CAMTA1: variants seen among roughly 807,000 people sequenced by gnomAD.
CAMTA1 encodes the protein calmodulin binding transcription activator 1, also known as calmodulin-binding transcription activator 1.
CAMTA1 carries 27 observed loss-of-function variants against 170.9 expected under a neutral mutation model. The ratio of observed to expected loss-of-function variants is 0.16; its 90% confidence interval spans 0.12 to 0.22. The LOEUF is 0.22. Among genes scored for constraint, CAMTA1 ranks in the 10% least tolerant of loss-of-function variants. The probability of loss-of-function intolerance (pLI) is 1.00; values close to 1 mark genes in which losing one functional copy is unlikely to be tolerated. For missense variants in CAMTA1, 1,619 were observed against 2,217.2 expected (o/e 0.73, Z 5.42); for synonymous variants, 833 against 891.5 (o/e 0.93, Z 1.17).
intron 6 of CAMTA1, among the ~76,000 whole-genome samples, chr1:7,484,168 C>T (rs936453165): frequency 6.6e-6 from 1 of 152,196 alleles, no homozygotes; most frequent in African/African-American, 2.4e-5. Flanking sequence ...CCAGGGCAGA[C>T]CCGGTGTGGG....
intron 3 of CAMTA1, among the ~76,000 whole-genome samples, chr1:7,072,706 G>A (rs1267950389): frequency 6.6e-6 from 1 of 152,194 alleles, no homozygotes; most frequent in Non-Finnish European, 1.5e-5. Flanking sequence ...ACCCAGAAGG[G>A]ACCATTTGAG....
chr1:7,051,125 G>A (rs563078042), intron 3 of CAMTA1, among the ~76,000 whole-genome samples: 57 of 152,264 alleles, frequency 3.7e-4, no homozygotes, highest in Admixed American at 2.8e-3. Flanking sequence ...GAACAATGTC[G>A]ACATTGAATA....
intron 3 of CAMTA1, among the ~76,000 whole-genome samples, chr1:6,967,969 TTAA>T (rs1411459619): frequency 2.6e-5 from 4 of 152,232 alleles, no homozygotes; most frequent in African/African-American, 7.2e-5. Context: ...TATATCACAG[TTAA>T]TAACCAGAGG....
intron 5 of CAMTA1, among the ~76,000 whole-genome samples, chr1:7,349,106 G>A (rs1254931866): frequency 2.6e-5 from 4 of 152,144 alleles, no homozygotes; most frequent in African/African-American, 7.2e-5. Flanking sequence ...CGGCAAATCC[G>A]AGCTGTGATA....
intron 3 of CAMTA1, among the ~76,000 whole-genome samples, chr1:6,920,172 C>T (rs192283675): frequency 9.0e-4 from 137 of 152,258 alleles, no homozygotes; most frequent in Non-Finnish European, 1.6e-3. Context: ...CTAGATGCTT[C>T]GGGGGTACAT....
At chr1:7,176,148 A>G (rs1320443637) in intron 4 of CAMTA1, among the ~76,000 whole-genome samples, 1 of 152,210 alleles carries the variant, frequency 6.6e-6, no homozygotes, top group Admixed American at 6.5e-5. Context: ...TGTTAAAACA[A>G]TGTAATCCTT....
chr1:7,493,626 T>TC (rs1200080943), intron 6 of CAMTA1, among the ~76,000 whole-genome samples: 1 of 108,714 alleles, frequency 9.2e-6, no homozygotes, highest in Non-Finnish European at 1.8e-5. Flanking sequence ...AAGCACAGCA[T>TC]CCATCCCCCA....
chr1:7,705,802 A>G (rs2096517117), intron 11 of CAMTA1, among the ~76,000 whole-genome samples: 1 of 152,210 alleles, frequency 6.6e-6, no homozygotes, highest in African/African-American at 2.4e-5. Flanking sequence ...CCGCGTGCAC[A>G]GGGCAGTCCT....
Position 7,480,170 on chromosome 1 carries a change from T to C in CAMTA1, c.510+12269T>C, listed in dbSNP as rs1474764790. On this transcript the variant is annotated intron_variant, in intron 6 of 22. Transcript: ENST00000303635. Reference sequence around the variant, plus strand: ...GTGTCCGTGTGGGTGCATGTGTGTGTGCTTGTGTCTCAGTGCATGTGTGTG... The same window carrying C: ...GTGTCCGTGTGGGTGCATGTGTGTGCGCTTGTGTCTCAGTGCATGTGTGTG... Among the ~76,000 whole-genome samples, 4 of 150,360 alleles carry C rather than the reference T, an allele frequency of 2.7e-5. No homozygotes were observed. In the East Asian group the frequency reaches 7.9e-4, roughly 30 times the overall value.
At chr1:6,974,791 G>A (rs1693126064) in intron 3 of CAMTA1, among the ~76,000 whole-genome samples, 1 of 152,218 alleles carries the variant, frequency 6.6e-6, no homozygotes, top group Non-Finnish European at 1.5e-5. Context: ...TCACGGCCCA[G>A]GTGGGGCCAC....
intron 4 of CAMTA1, among the ~76,000 whole-genome samples, chr1:7,182,497 A>G (rs1050316459): frequency 2.6e-5 from 3 of 114,192 alleles, no homozygotes; most frequent in African/African-American, 1.1e-4. Context: ...CCCATCTCAG[A>G]AAAAAAAAAA....
intron 3 of CAMTA1, among the ~76,000 whole-genome samples, chr1:6,920,643 GGC>G (rs1414011837): frequency 6.6e-6 from 1 of 152,194 alleles, no homozygotes; most frequent in Non-Finnish European, 1.5e-5. Flanking sequence ...CTTTTTCCTG[GGC>G]ATCCAGGCAT....
intron 4 of CAMTA1, among the ~76,000 whole-genome samples, chr1:7,148,568 A>G (rs933587867): frequency 4.6e-5 from 7 of 152,172 alleles, no homozygotes; most frequent in Non-Finnish European, 5.9e-5. Context: ...GAGTGGGTCC[A>G]GTCCCCACGT....
chr1:7,076,266 GTCC>G (rs1251503832), intron 3 of CAMTA1, among the ~76,000 whole-genome samples: 3 of 152,154 alleles, frequency 2.0e-5, no homozygotes, highest in East Asian at 3.9e-4. Context: ...AAAAAATTTA[GTCC>G]TCCTCCTCTT....
At chr1:7,488,453 A>C (rs2093648171) in intron 6 of CAMTA1, among the ~76,000 whole-genome samples, 2 of 152,128 alleles carry the variant, frequency 1.3e-5, no homozygotes, top group Non-Finnish European at 2.9e-5. Flanking sequence ...AGGGACAACA[A>C]CTCAGCCTAT....
At chr1:7,073,387 T>C (rs1638893745) in intron 3 of CAMTA1, among the ~76,000 whole-genome samples, 2 of 152,182 alleles carry the variant, frequency 1.3e-5, no homozygotes, top group South Asian at 4.1e-4. Flanking sequence ...AAGTTTAGGC[T>C]GAAAACATAA....
chr1:7,160,385 C>A (rs1647139258), intron 4 of CAMTA1, among the ~76,000 whole-genome samples: 1 of 152,154 alleles, frequency 6.6e-6, no homozygotes, highest in Admixed American at 6.5e-5. Flanking sequence ...TGGCCCCCAC[C>A]AACGACCTCC....
chr1:7,758,712 G>A (rs983187286), intron 22 of CAMTA1, among the ~76,000 whole-genome samples: 1 of 152,050 alleles, frequency 6.6e-6, no homozygotes, highest in Admixed American at 6.6e-5. Context: ...GAGGCGGGCG[G>A]ATCACGAGGT....
chr1:6,976,190 C>A (rs1001164941), intron 3 of CAMTA1, among the ~76,000 whole-genome samples: 22 of 152,292 alleles, frequency 1.4e-4, no homozygotes, highest in Middle Eastern at 3.4e-3. Flanking sequence ...CCCGCTGAGT[C>A]TTTCTTGGGC....
Sources: allele counts gnomAD v4.1 joint callset (sites outside exome capture counted in the v4.1 genomes callset), GRCh38; gene constraint gnomAD v4.1.1; transcripts MANE v1.5; gene names NCBI Gene and HGNC (gene_info 2026-07-23, HGNC 2026-07-21).